Variants in GLT8D2 observed in about 807,000 individuals in gnomAD.
The protein encoded by GLT8D2 is glycosyltransferase 8 domain containing 2.
A neutral mutation model predicts 44.5 loss-of-function variants in GLT8D2; 45 were observed. The observed-to-expected ratio is 1.01, with a 90% confidence interval of 0.80 to 1.30. The LOEUF (loss-of-function observed/expected upper bound fraction) is 1.30, where lower values mean the gene tolerates loss of function less well. Ranked by LOEUF, GLT8D2 falls within the 50% of genes most tolerant of loss-of-function variation. The pLI is 0.00. For missense variants in GLT8D2, 400 were observed against 430.4 expected, an observed-to-expected ratio of 0.93 and a Z score of 0.62; for synonymous variants, 156 against 157.2, an observed-to-expected ratio of 0.99 and a Z score of 0.06.
At chr12:104,030,889 G>A in intron 1 of GLT8D2, 2 of 1,546,842 alleles carry the variant, frequency 1.3e-6, no homozygotes, top group Non-Finnish European at 1.8e-6. Flanking sequence ...GCCACGAGGA[G>A]GCGAAGCGCG....
intron 4 of GLT8D2, among the ~76,000 whole-genome samples, chr12:104,009,302 G>T (rs1346334355): frequency 6.6e-6 from 1 of 152,198 alleles, no homozygotes; most frequent in African/African-American, 2.4e-5. Flanking sequence ...TGCGAGACCT[G>T]GAGTCAAAGG....
upstream of GLT8D2, among the ~76,000 whole-genome samples, chr12:104,050,721 T>A (rs1881632084): frequency 6.6e-6 from 1 of 152,220 alleles, no homozygotes; most frequent in Non-Finnish European, 1.5e-5. Flanking sequence ...CTCCTCTTCC[T>A]ATTTCCTATA....
chr12:104,061,830 G>C (rs915394945), intron 1 of GLT8D2, among the ~76,000 whole-genome samples: 1 of 151,702 alleles, frequency 6.6e-6, no homozygotes, highest in Non-Finnish European at 1.5e-5. Context: ...TACAGAATTA[G>C]CCAGGCGTGG....
At chr12:104,024,057 T>C (rs1032118125) in intron 1 of GLT8D2, among the ~76,000 whole-genome samples, 2 of 152,104 alleles carry the variant, frequency 1.3e-5, no homozygotes, top group African/African-American at 4.8e-5. Context: ...GCTGGGTCTT[T>C]TGGGTAGATA....
chr12:104,012,346 A>G (rs184776123), intron 4 of GLT8D2, among the ~76,000 whole-genome samples: 5 of 152,242 alleles, frequency 3.3e-5, no homozygotes, highest in African/African-American at 1.2e-4. Context: ...GGTATTTTAT[A>G]ACATCGATTT....
intron 1 of GLT8D2, among the ~76,000 whole-genome samples, chr12:104,046,718 G>A (rs1881184688): frequency 6.6e-6 from 1 of 152,206 alleles, no homozygotes; most frequent in Non-Finnish European, 1.5e-5. Context: ...GAAAGGACAA[G>A]ATCAGGACTC....
At chr12:104,054,142 A>T (rs1230072902), upstream of GLT8D2, among the ~76,000 whole-genome samples, 10 of 152,084 alleles carry the variant, frequency 6.6e-5, no homozygotes, top group Non-Finnish European at 1.3e-4. Context: ...CTGAAAGTTT[A>T]TACTGTTTGA....
At chr12:104,000,564 G>T (rs561690562) in intron 5 of GLT8D2, among the ~76,000 whole-genome samples, 43 of 152,110 alleles carry the variant, frequency 2.8e-4, no homozygotes, top group Non-Finnish European at 5.3e-4. Flanking sequence ...TATGTAAAAG[G>T]GGGCAGGGAG....
intron 1 of GLT8D2, among the ~76,000 whole-genome samples, chr12:104,038,880 C>G (rs1452836457): frequency 6.6e-6 from 1 of 152,154 alleles, no homozygotes; most frequent in Non-Finnish European, 1.5e-5. Context: ...CATCACGCTA[C>G]CTGACTTCAA....
intron 8 of GLT8D2, 61 bp from the exon 9 acceptor site, chr12:103,994,562 T>A: frequency 1.3e-6 from 2 of 1,482,744 alleles, no homozygotes; most frequent in South Asian, 1.3e-5. Flanking sequence ...TGGAAAATGA[T>A]CATTTTCTTG....
At chr12:104,015,436 A>AC (rs1555278722) in intron 3 of GLT8D2, among the ~76,000 whole-genome samples, 5,985 of 148,398 alleles carry the variant, frequency 0.04, 442 homozygotes, top group African/African-American at 0.14. Flanking sequence ...ACACACACAC[A>AC]AATTAGCTGG....
chr12:104,009,371 G>T (rs549523800), intron 4 of GLT8D2, among the ~76,000 whole-genome samples: 3 of 152,170 alleles, frequency 2.0e-5, no homozygotes, highest in Non-Finnish European at 2.9e-5. Flanking sequence ...AAGCACAGGG[G>T]TAACCCCTTT....
intron 1 of GLT8D2, among the ~76,000 whole-genome samples, chr12:104,042,788 C>T (rs1880699090): frequency 6.6e-6 from 1 of 152,154 alleles, no homozygotes; most frequent in Admixed American, 6.5e-5. Flanking sequence ...AAATCACACA[C>T]ACACAAAAAT....
chr12:104,001,774 G>A (rs762012964), intron 5 of GLT8D2, among the ~76,000 whole-genome samples: 7 of 152,102 alleles, frequency 4.6e-5, no homozygotes, highest in Non-Finnish European at 1.0e-4. Flanking sequence ...CACGATCTCA[G>A]CTCACTGCAA....
chr12:104,019,799 C>T, intron 2 of GLT8D2, 123 bp from the exon 3 acceptor site: 1 of 567,046 alleles, frequency 1.8e-6, no homozygotes, highest in Non-Finnish European at 3.0e-6. Flanking sequence ...TCATTTTTTA[C>T]TGCTCCAAAT....
chr12:104,033,235 G>A (rs1432362113), intron 1 of GLT8D2, among the ~76,000 whole-genome samples: 2 of 152,212 alleles, frequency 1.3e-5, no homozygotes, highest in East Asian at 3.9e-4. Flanking sequence ...TCCATAAATG[G>A]ATGAGTGGAT....
At chr12:104,000,574 G>A (rs138405178) in intron 5 of GLT8D2, among the ~76,000 whole-genome samples, 16 of 152,290 alleles carry the variant, frequency 1.1e-4, no homozygotes, top group African/African-American at 3.6e-4. Context: ...GGGGCAGGGA[G>A]TAGACTGGAC....
intron 1 of GLT8D2, among the ~76,000 whole-genome samples, chr12:104,047,907 A>G (rs989232544): frequency 2.6e-5 from 4 of 152,254 alleles, no homozygotes; most frequent in Non-Finnish European, 5.9e-5. Flanking sequence ...CCTGCCTGAC[A>G]CTAGTTTTTG....
chr12:104,037,379 GT>G (rs1880025187), intron 1 of GLT8D2, among the ~76,000 whole-genome samples: 1 of 152,048 alleles, frequency 6.6e-6, no homozygotes, highest in Admixed American at 6.6e-5. Context: ...CCAGGAGCTG[GT>G]TTTTTGAAAA....
Sources: gnomAD v4.1 joint callset for allele counts (sites outside exome capture counted in the v4.1 genomes callset) on GRCh38, gnomAD v4.1.1 for gene constraint, MANE v1.5 for transcripts, NCBI Gene and HGNC (gene_info 2026-07-23, HGNC 2026-07-21) for gene names.